The following TIAM1 variants were observed in gnomAD, a reference collection of about 807,000 sequenced individuals.
The protein encoded by TIAM1 is TIAM Rac1 associated GEF 1, also known as rho guanine nucleotide exchange factor TIAM1.
TIAM1 carries 65 observed loss-of-function variants against 163.5 expected under a neutral mutation model. That is an observed-to-expected ratio of 0.40 (90% CI 0.33 to 0.49). The LOEUF is 0.49. Among genes scored for constraint, TIAM1 ranks in the 20% least tolerant of loss-of-function variants. The pLI is 0.77. For missense variants in TIAM1, 1,789 were observed against 2,044.7 expected (o/e 0.87, Z 2.41); for synonymous variants, 833 against 810.1 (o/e 1.03, Z -0.48).
intron 11 of TIAM1, among the ~76,000 whole-genome samples, chr21:31,208,858 T>G (rs2086580897): frequency 6.6e-6 from 1 of 152,366 alleles, no homozygotes; most frequent in Non-Finnish European, 1.5e-5. Flanking sequence ...AGTCATTCAG[T>G]ATTTACAAAC....
chr21:31,353,048 G>C (rs1014015668), intron 2 of TIAM1, among the ~76,000 whole-genome samples: 5 of 152,062 alleles, frequency 3.3e-5, no homozygotes, highest in African/African-American at 4.8e-5. Context: ...CACCTATCAA[G>C]GTAAATCTTT....
In TIAM1 at chr21:31,225,871, T is replaced by C. The variant is rs1569063400; in HGVS notation, c.1664A>G (p.His555Arg). Reference sequence around the variant, plus strand: ...CAGGAGTCGGAGCGTGTCTTCCTTGTGGTGGTGCCTCGCGACCGCAGTGGC... The same window carrying C: ...CAGGAGTCGGAGCGTGTCTTCCTTGCGGTGGTGCCTCGCGACCGCAGTGGC... ...ACATAVARHH[H>R]KEDTLRLLKS... The change falls in exon 7 of 28, where the codon CAC (histidine) becomes CGC (arginine). Residue 555 changes from histidine to arginine, a missense_variant. By Grantham distance (29) the His-to-Arg change is conservative. Around this residue, in one of 5 missense-constraint regions of TIAM1, gnomAD observed 456 missense variants for 586.6 expected, o/e 0.78. Coordinates refer to ENST00000541036, the MANE Select transcript of TIAM1 (RefSeq NM_001353694.2). The C allele has an allele frequency of 3.1e-6, 5 of 1,614,160 alleles. No homozygotes were observed. In the South Asian group the frequency reaches 4.4e-5, roughly 14 times the overall value.
At chr21:31,286,688 A>G (rs1438472282) in intron 2 of TIAM1, among the ~76,000 whole-genome samples, 3 of 152,182 alleles carry the variant, frequency 2.0e-5, no homozygotes, top group African/African-American at 7.2e-5. Flanking sequence ...ACTCCACCCT[A>G]GGCAACAGAG....
chr21:31,241,337 G>C (rs1433786536), intron 6 of TIAM1, among the ~76,000 whole-genome samples: 2 of 152,118 alleles, frequency 1.3e-5, no homozygotes, highest in Non-Finnish European at 2.9e-5. Context: ...TGAAAGCAGA[G>C]ATGAAGGCTA....
intron 2 of TIAM1, among the ~76,000 whole-genome samples, chr21:31,330,634 C>T (rs764709711): frequency 6.8e-4 from 103 of 152,074 alleles, no homozygotes; most frequent in Non-Finnish European, 1.2e-3. Context: ...GTTGGGGTTT[C>T]ACCATGTTGG....
rs71191197 is a variant in TIAM1 at position 31,228,220 on chromosome 21, TAAAAAAAAAAAAAAAAAAAAA to T, written c.1585-2291_1585-2271del. Among the ~76,000 whole-genome samples, 78 of 16,256 alleles carry T rather than the reference TAAAAAAAAAAAAAAAAAAAAA, an allele frequency of 4.8e-3. 1 individual carries two copies. Among genetic ancestry groups the T allele is most frequent in the South Asian group, 0.016 (6 of 378 alleles). 10.7% of individuals were successfully genotyped at this position (16,256 alleles called of 152,430 possible). A position where few individuals can be genotyped will look rare whatever the true frequency, so the allele number is the denominator to read the frequency against. On this transcript the variant is annotated intron_variant, in intron 6 of 27. Transcript: ENST00000541036. ...GCCACCATGCCCGGCCTCCTTTTTTTAAAAAAAAAAAAAAAAAAAAAAAAAAAAAAAAAAAAAAAGGAAGGA... is the reference window on the plus strand; with the variant it reads ...GCCACCATGCCCGGCCTCCTTTTTTTAAAAAAAAAAAAAAAAAAGGAAGGA...
At chr21:31,305,432 A>T (rs1418190754) in intron 2 of TIAM1, among the ~76,000 whole-genome samples, 2 of 152,186 alleles carry the variant, frequency 1.3e-5, no homozygotes, top group Non-Finnish European at 2.9e-5. Context: ...TAAAAAAAAA[A>T]AAAAAACAGT....
intron 1 of TIAM1, among the ~76,000 whole-genome samples, chr21:31,512,115 G>T (rs2047228627): frequency 6.6e-6 from 1 of 152,074 alleles, no homozygotes; most frequent in Admixed American, 6.6e-5. Context: ...TTTATTTTTT[G>T]AGATAGGGTC....
At chr21:31,499,065 A>G (rs1157415310) in intron 1 of TIAM1, among the ~76,000 whole-genome samples, 1 of 152,138 alleles carries the variant, frequency 6.6e-6, no homozygotes, top group African/African-American at 2.4e-5. Flanking sequence ...GAACATTAAG[A>G]TGATGGGATC....
In TIAM1 at chr21:31,120,206, G is replaced by C; in HGVS notation, c.*162C>G. On this transcript the variant is annotated 3_prime_UTR_variant, in exon 28 of 28. Coordinates refer to ENST00000541036, the MANE Select transcript of TIAM1 (RefSeq NM_001353694.2). The surrounding 1 kb of genome is among the most constrained non-coding windows in gnomAD (Gnocchi z 4.2). ...AATTCTTTCTGATGTTGTTGAAAAT[G>C]ACAAAGTTGGGTGGCTACATGGCTT... The C allele has an allele frequency of 1.6e-6, 1 of 629,262 alleles. No individual in the cohort carries two copies. Among genetic ancestry groups the C allele is most frequent in the East Asian group, 2.8e-5 (1 of 35,408 alleles). The allele number at this position is 629,262 out of a possible 1,614,324, so 39.0% of individuals were successfully genotyped here. A position where few individuals can be genotyped will look rare whatever the true frequency, so the allele number is the denominator to read the frequency against.
chr21:31,535,931 G>A (rs557555156), intron 1 of TIAM1, among the ~76,000 whole-genome samples: 71 of 152,306 alleles, frequency 4.7e-4, no homozygotes, highest in African/African-American at 1.6e-3. Flanking sequence ...GAATGAGCCT[G>A]CTCTCAAGAA....
Position 31,141,286 on chromosome 21 carries a change from G to T in TIAM1, c.3655+39C>A, listed in dbSNP as rs1205165304. 1 of 1,613,814 alleles carries T rather than the reference G, an allele frequency of 6.2e-7. No homozygotes were observed. Among genetic ancestry groups the T allele is most frequent in the Non-Finnish European group, 8.5e-7 (1 of 1,179,798 alleles). ...GAGAGGCTATTTAGAGACCCTCATG[G>T]AGACTCAGGCCTGCCGGGGGTCCCA... is the stretch of plus-strand genomic sequence containing the variant. On this transcript the variant is annotated intron_variant, in intron 21 of 27. Coordinates refer to ENST00000541036, the MANE Select transcript of TIAM1 (RefSeq NM_001353694.2). This position sits in a 1 kb window ranked among gnomAD's most constrained non-coding sequence, Gnocchi z 4.7.
chr21:31,178,500 G>A (rs2084871454), intron 15 of TIAM1, among the ~76,000 whole-genome samples: 2 of 151,856 alleles, frequency 1.3e-5, no homozygotes, highest in African/African-American at 2.4e-5. Context: ...TAGAGACGGG[G>A]TTTCACTGTG....
intron 19 of TIAM1, among the ~76,000 whole-genome samples, chr21:31,151,020 A>T (rs1339293873): frequency 1.3e-5 from 2 of 152,222 alleles, no homozygotes; most frequent in Non-Finnish European, 2.9e-5. Context: ...GGGAAATTAA[A>T]ATTAGAACCA....
chr21:31,156,426 AC>A (rs1232648200), intron 16 of TIAM1, among the ~76,000 whole-genome samples: 1 of 152,190 alleles, frequency 6.6e-6, no homozygotes, highest in Non-Finnish European at 1.5e-5. Context: ...GGAAAAATTG[AC>A]CAAAATGGGC....
chr21:31,143,448 A>G (rs2082951382), intron 20 of TIAM1, among the ~76,000 whole-genome samples: 1 of 118,410 alleles, frequency 8.4e-6, no homozygotes, highest in Admixed American at 9.6e-5. Context: ...TGTATATATA[A>G]TTTTTATATA....
At chr21:31,167,402 T>C (rs183398906) in intron 15 of TIAM1, among the ~76,000 whole-genome samples, 1 of 152,268 alleles carries the variant, frequency 6.6e-6, no homozygotes, top group African/African-American at 2.4e-5. Context: ...TTTTTAATAA[T>C]ACCGTTGAGA....
chr21:31,394,651 C>T (rs2077021950), intron 2 of TIAM1, among the ~76,000 whole-genome samples: 1 of 151,392 alleles, frequency 6.6e-6, no homozygotes, highest in Non-Finnish European at 1.5e-5. Context: ...ATTTGGCTGG[C>T]AACCTAAAAC....
chr21:31,495,834 C>A (rs986223244), intron 1 of TIAM1, among the ~76,000 whole-genome samples: 2 of 152,094 alleles, frequency 1.3e-5, no homozygotes, highest in African/African-American at 4.8e-5. Flanking sequence ...TAGCCAGGTG[C>A]AGGGGCAGGC....
Sources: allele counts gnomAD v4.1 joint callset (sites outside exome capture counted in the v4.1 genomes callset), GRCh38; gene constraint gnomAD v4.1.1; regional missense constraint gnomAD v4.1.1; non-coding constraint Gnocchi (gnomAD v3.1); transcripts MANE v1.5; gene names NCBI Gene and HGNC (gene_info 2026-07-23, HGNC 2026-07-21).